The following COMMD1 variants were observed in gnomAD, a reference collection of about 807,000 sequenced individuals.
COMMD1 encodes COMM domain-containing protein 1.
Under a neutral mutation model 17.2 loss-of-function variants are expected in COMMD1, and 10 were observed. The ratio of observed to expected loss-of-function variants is 0.58; its 90% CI spans 0.36 to 0.99. The LOEUF (loss-of-function observed/expected upper bound fraction) is 0.99. Ranked by LOEUF, COMMD1 falls within the 50% of genes least tolerant of loss-of-function variation. The probability of loss-of-function intolerance (pLI) is 0.01; values close to 1 mark genes in which losing one functional copy is unlikely to be tolerated. For missense variants in COMMD1, 270 were observed against 231.8 expected (o/e 1.17, Z -1.07); for synonymous variants, 97 against 91.6 (o/e 1.06, Z -0.34).
intron 2 of COMMD1, among the ~76,000 whole-genome samples, chr2:62,121,919 C>T (rs1016955000): frequency 6.6e-6 from 1 of 152,094 alleles, no homozygotes; most frequent in African/African-American, 2.4e-5. Context: ...AGCCTCTTAA[C>T]TAGCTAGGAC....
intron 1 of COMMD1, among the ~76,000 whole-genome samples, chr2:61,988,601 G>T (rs777134112): frequency 3.3e-5 from 5 of 152,122 alleles, no homozygotes; most frequent in Non-Finnish European, 5.9e-5. Context: ...CTCTTTTGGA[G>T]CTGTGAGCTG....
At chr2:62,040,107 G>C (rs1488582844) in intron 2 of COMMD1, among the ~76,000 whole-genome samples, 1 of 152,136 alleles carries the variant, frequency 6.6e-6, no homozygotes, top group African/African-American at 2.4e-5. Flanking sequence ...ACAATAATTA[G>C]CTGGGCATGG....
At chr2:62,060,159 T>C (rs1356460427) in intron 2 of COMMD1, among the ~76,000 whole-genome samples, 1 of 151,968 alleles carries the variant, frequency 6.6e-6, no homozygotes, top group Non-Finnish European at 1.5e-5. Context: ...TGAAACCCTG[T>C]CTCTATGAAA....
Position 62,098,189 on chromosome 2 carries a change from G to C in COMMD1, c.463-37642G>C, listed in dbSNP as rs193193455. Among the ~76,000 whole-genome samples the C allele has an allele frequency of 3.9e-3, 544 of 140,294 alleles. 4 individuals are homozygous for C. The highest frequency in any genetic ancestry group is 7.4e-3 in the Middle Eastern group (2 of 270). The allele number at this position is 140,294 out of a possible 152,430, so 92.0% of individuals were successfully genotyped here. ...TTTTTTTTTTTTTTTTTGAGACAGAGTCTCTTGCCTAGGCTGGAGTGCAAT... is the reference window on the plus strand; with the variant it reads ...TTTTTTTTTTTTTTTTTGAGACAGACTCTCTTGCCTAGGCTGGAGTGCAAT... On this transcript the variant is annotated intron_variant, in intron 2 of 2. Coordinates refer to ENST00000311832, the MANE Select transcript of COMMD1 (RefSeq NM_152516.4).
intron 2 of COMMD1, among the ~76,000 whole-genome samples, chr2:62,008,841 C>G (rs1669198014): frequency 6.6e-6 from 1 of 152,170 alleles, no homozygotes; most frequent in African/African-American, 2.4e-5. Context: ...AGTGCAGTGG[C>G]ATGCTCTTGG....
At chr2:61,983,437 G>A (rs35670179) in intron 1 of COMMD1, among the ~76,000 whole-genome samples, 21,950 of 151,984 alleles carry the variant, frequency 0.14, 1,722 homozygotes, top group East Asian at 0.23. Context: ...TGATCCGACC[G>A]CCTCGGCCTC....
intron 1 of COMMD1, among the ~76,000 whole-genome samples, chr2:61,946,111 T>C (rs1345134227): frequency 6.6e-6 from 1 of 152,148 alleles, no homozygotes; most frequent in East Asian, 1.9e-4. Context: ...TGAATTTTTA[T>C]TTTTGTTTTA....
intron 1 of COMMD1, among the ~76,000 whole-genome samples, chr2:61,926,505 A>G (rs967949394): frequency 1.3e-5 from 2 of 152,204 alleles, no homozygotes; most frequent in African/African-American, 4.8e-5. Context: ...CTCACTGTGC[A>G]AAGGGGAAAG....
intron 2 of COMMD1, among the ~76,000 whole-genome samples, chr2:62,054,741 G>A (rs1283934013): frequency 6.6e-6 from 1 of 152,160 alleles, no homozygotes; most frequent in African/African-American, 2.4e-5. Flanking sequence ...AGGATGATCT[G>A]AAATTGGTTA....
chr2:61,985,002 A>G (rs1672064216), intron 1 of COMMD1, among the ~76,000 whole-genome samples: 1 of 147,852 alleles, frequency 6.8e-6, no homozygotes, highest in South Asian at 2.1e-4. Context: ...TTTGCCTGGA[A>G]TATCTTTTCC....
chr2:62,059,082 A>C (rs2103934976), intron 2 of COMMD1, among the ~76,000 whole-genome samples: 1 of 152,202 alleles, frequency 6.6e-6, no homozygotes, highest in Non-Finnish European at 1.5e-5. Flanking sequence ...CTGGCCACAA[A>C]TTTTCTTCTT....
At chr2:62,106,172 C>T (rs1194833237) in intron 2 of COMMD1, among the ~76,000 whole-genome samples, 1 of 152,192 alleles carries the variant, frequency 6.6e-6, no homozygotes, top group African/African-American at 2.4e-5. Flanking sequence ...AGAAAATGAA[C>T]AATTTTCACT....
chr2:61,947,575 C>A (rs955194310), intron 1 of COMMD1, among the ~76,000 whole-genome samples: 2 of 151,912 alleles, frequency 1.3e-5, no homozygotes, highest in Admixed American at 1.3e-4. Flanking sequence ...CCCAGCTACT[C>A]GGGAGGCTGA....
chr2:62,109,314 A>G (rs1425883270), intron 2 of COMMD1, among the ~76,000 whole-genome samples: 1 of 152,212 alleles, frequency 6.6e-6, no homozygotes, highest in Non-Finnish European at 1.5e-5. Context: ...CATTTCCTCC[A>G]AAGCTCTTGG....
chr2:61,931,809 T>G (rs544949863), intron 1 of COMMD1, among the ~76,000 whole-genome samples: 1 of 152,354 alleles, frequency 6.6e-6, no homozygotes, highest in African/African-American at 2.4e-5. Context: ...ATTGGAGACT[T>G]GGTTGACAAT....
chr2:62,061,205 A>G (rs915722855), intron 2 of COMMD1, among the ~76,000 whole-genome samples: 5 of 152,170 alleles, frequency 3.3e-5, no homozygotes, highest in Admixed American at 2.0e-4. Context: ...TTGGTCTCCA[A>G]CTGTTTCTTT....
intron 1 of COMMD1, among the ~76,000 whole-genome samples, chr2:61,993,117 C>CT (rs752770498): frequency 3.9e-5 from 6 of 152,106 alleles, no homozygotes; most frequent in Non-Finnish European, 8.8e-5. Flanking sequence ...CATGGGATAA[C>CT]TTTAAACAAG....
chr2:62,062,479 C>T (rs970159161), intron 2 of COMMD1, among the ~76,000 whole-genome samples: 4 of 152,006 alleles, frequency 2.6e-5, no homozygotes, highest in African/African-American at 7.2e-5. Context: ...CCACTCAGCT[C>T]GGCCTCCCAA....
At chr2:62,088,346 G>T (rs915345097) in intron 2 of COMMD1, among the ~76,000 whole-genome samples, 1 of 152,122 alleles carries the variant, frequency 6.6e-6, no homozygotes, top group Non-Finnish European at 1.5e-5. Flanking sequence ...CAAAAACTCA[G>T]ATCTACATGT....
Sources: allele counts gnomAD v4.1 joint callset (sites outside exome capture counted in the v4.1 genomes callset), GRCh38; gene constraint gnomAD v4.1.1; transcripts MANE v1.5; gene names NCBI Gene and HGNC (gene_info 2026-07-23, HGNC 2026-07-21).